Variants in PLB1 observed in about 807,000 individuals in gnomAD.
PLB1 encodes the protein phospholipase B1, membrane-associated.
Under a neutral mutation model 227.4 loss-of-function variants are expected in PLB1, and 242 were observed. That is an observed-to-expected ratio of 1.06 (90% CI 0.96 to 1.18). The LOEUF is 1.18. Among genes scored for constraint, PLB1 ranks in the 50% most tolerant of loss-of-function variants. The pLI is 0.00. For synonymous variants in PLB1, 757 were observed against 682.2 expected, an observed-to-expected ratio of 1.11 and a Z score of -1.71; for missense variants, 1,858 against 1,816.3, an observed-to-expected ratio of 1.02 and a Z score of -0.42.
intron 14 of PLB1, 38 bp downstream of exon 14, chr2:28,543,306 G>A (rs1572870857): frequency 6.3e-7 from 1 of 1,596,484 alleles, no homozygotes; most frequent in Non-Finnish European, 8.5e-7. Context: ...CCACAGAGGA[G>A]GGGCAAGGTC....
At chr2:28,631,434 T>C (rs1247299184) in intron 54 of PLB1, among the ~76,000 whole-genome samples, 1 of 152,224 alleles carries the variant, frequency 6.6e-6, no homozygotes, top group Non-Finnish European at 1.5e-5. Context: ...CTGTACTTGA[T>C]GGGCCCTAAA....
intron 25 of PLB1, chr2:28,585,556 C>A (rs769542560): frequency 6.9e-5 from 35 of 510,884 alleles, no homozygotes; most frequent in Non-Finnish European, 1.1e-4. Context: ...GCATTACAGG[C>A]GTGAGCCACC....
intron 25 of PLB1, among the ~76,000 whole-genome samples, chr2:28,583,689 C>T (rs1392083696): frequency 6.6e-6 from 1 of 152,166 alleles, no homozygotes; most frequent in Non-Finnish European, 1.5e-5. Context: ...CAAAGGGTAG[C>T]AAAATGGCAC....
rs534638703 is a variant in PLB1, at chr2:28,550,101, T to C, written c.1083+17T>C. 7.6e-6 allele frequency: 12 copies of C among 1,588,852 alleles called. No individual in the cohort carries two copies. The East Asian group carries it at 1.3e-4, about 18-fold the overall frequency. ...AAGCTTGAGGTAAGGAAAGGTTTTC[T>C]GTAATTGACAAACATGCAGATGAAC... On this transcript the variant is annotated intron_variant, in intron 16 of 57. Transcript: ENST00000327757.
intron 12 of PLB1, among the ~76,000 whole-genome samples, chr2:28,541,418 G>A (rs73922152): frequency 0.02 from 3,068 of 152,266 alleles, 98 homozygotes; most frequent in African/African-American, 0.07. Context: ...GAGAGCAGGG[G>A]GCCCTGCCAC....
At position 28,525,268 on chromosome 2, in the gene PLB1, C is replaced by T. The variant is rs757191876; in HGVS notation, c.245C>T (p.Pro82Leu). The T allele has an allele frequency of 1.2e-6, 2 of 1,613,438 alleles. No homozygotes were observed. Among genetic ancestry groups the T allele is most frequent in the Non-Finnish European group, 1.7e-6 (2 of 1,179,922 alleles). The change falls in exon 5 of 58, where the codon CCT (proline) becomes CTT (leucine). Residue 82 changes from proline (P) to leucine (L), a missense_variant and splice_region_variant. Coordinates refer to ENST00000327757, the MANE Select transcript of PLB1 (RefSeq NM_153021.5). ...GTTAACATTGAGTATCTATTCCAGCCTCCAGACCCAGGGACGGGCGATCTG... is the reference window on the plus strand; with the variant it reads ...GTTAACATTGAGTATCTATTCCAGCTTCCAGACCCAGGGACGGGCGATCTG... ...FVAAIGNLEI[P>L]PDPGTGDLEK...
At chr2:28,537,087 A>G (rs535986355) in intron 9 of PLB1, among the ~76,000 whole-genome samples, 6 of 152,272 alleles carry the variant, frequency 3.9e-5, no homozygotes, top group Admixed American at 6.5e-5. Flanking sequence ...AGAAAACTAG[A>G]CAGAAGGCTT....
At chr2:28,546,338 T>C (rs1460838453) in intron 14 of PLB1, among the ~76,000 whole-genome samples, 1 of 152,212 alleles carries the variant, frequency 6.6e-6, no homozygotes, top group Non-Finnish European at 1.5e-5. Flanking sequence ...ATGCCGAGTC[T>C]ACACCAGGTG....
intron 14 of PLB1, among the ~76,000 whole-genome samples, chr2:28,544,845 A>C (rs943835185): frequency 6.6e-6 from 1 of 151,834 alleles, no homozygotes; most frequent in African/African-American, 2.4e-5. Context: ...CTGTCTGATA[A>C]GAGAAGAGAT....
chr2:28,618,591 C>T, intron 46 of PLB1, 192 bp downstream of exon 46: 2 of 597,326 alleles, frequency 3.3e-6, no homozygotes, highest in South Asian at 2.0e-5. Context: ...CAGTTCTGCT[C>T]AAAGCCCCCT....
chr2:28,575,493 C>G (rs189620239), intron 21 of PLB1, among the ~76,000 whole-genome samples: 18 of 152,264 alleles, frequency 1.2e-4, no homozygotes, highest in Admixed American at 7.2e-4. Flanking sequence ...CCATGAGCCA[C>G]CTAAGTAGCT....
intron 54 of PLB1, among the ~76,000 whole-genome samples, chr2:28,631,633 C>T (rs1350815556): frequency 1.3e-5 from 2 of 152,206 alleles, no homozygotes; most frequent in African/African-American, 4.8e-5. Flanking sequence ...AGATGCTCCC[C>T]ATCTGACCTG....
intron 38 of PLB1, 138 bp from the exon 39 acceptor site, chr2:28,602,683 C>A: frequency 1.3e-6 from 1 of 742,212 alleles, no homozygotes; most frequent in South Asian, 1.7e-5. Flanking sequence ...ACGAGGTAGC[C>A]CTGTATAGAC....
intron 14 of PLB1, among the ~76,000 whole-genome samples, chr2:28,547,809 G>A (rs1673529136): frequency 6.6e-6 from 1 of 152,020 alleles, no homozygotes; most frequent in African/African-American, 2.4e-5. Context: ...CTTTGTAAGT[G>A]TTTATATATG....
chr2:28,545,812 CAG>C lies in PLB1; in HGVS notation c.936+2547_936+2548del, dbSNP rs58164950. Reference sequence around the variant, plus strand: ...TTCTGTGTCTACCCTCGCAGACACACAGAGCCCAGGTGAGGGCTGCCCTCTGT... The same window carrying C: ...TTCTGTGTCTACCCTCGCAGACACACAGCCCAGGTGAGGGCTGCCCTCTGT... On this transcript the variant is annotated intron_variant, in intron 14 of 57. Coordinates refer to ENST00000327757, the MANE Select transcript of PLB1 (RefSeq NM_153021.5). Among the ~76,000 whole-genome samples the C allele has an allele frequency of 3.5e-3, 529 of 152,264 alleles. 7 individuals carry two copies. The highest frequency in any genetic ancestry group is 0.012 in the African/African-American group (488 of 41,538).
At chr2:28,582,161 A>C (rs945522194) in intron 24 of PLB1, 28 bp downstream of exon 24, 3 of 1,600,274 alleles carry the variant, frequency 1.9e-6, no homozygotes, top group Middle Eastern at 1.7e-4. Context: ...TGAGGCCTGC[A>C]TCTTAGACCT....
chr2:28,615,928 G>A (rs4666111), intron 44 of PLB1, among the ~76,000 whole-genome samples: 24,957 of 152,182 alleles, frequency 0.16, 2,576 homozygotes, highest in East Asian at 0.48. Flanking sequence ...CTGAGGTAAC[G>A]TGAATGAGCC....
In PLB1 at chr2:28,601,969, G is replaced by A. The variant is rs201085428; in HGVS notation, c.2673+5G>A. ...TTGGACGTCCTGCATAGAGAGGTGG[G>A]TGGGGGGCTTCCACAAGCTGGTAAC... is the stretch of plus-strand genomic sequence containing the variant. On this transcript the variant is annotated splice_donor_5th_base_variant and intron_variant, in intron 38 of 57. Transcript: ENST00000327757. 7.0e-5 allele frequency: 112 copies of A among 1,607,954 alleles called. No homozygotes were observed. Among genetic ancestry groups the A allele is most frequent in the Middle Eastern group, 1.6e-4 (1 of 6,078 alleles).
intron 39 of PLB1, among the ~76,000 whole-genome samples, chr2:28,603,488 TC>T (rs766892073): frequency 2.7e-4 from 41 of 152,032 alleles, no homozygotes; most frequent in Non-Finnish European, 5.4e-4. Context: ...GAAATCTCTC[TC>T]TTAAGTAGAT....
Sources: gnomAD v4.1 joint callset for allele counts (sites outside exome capture counted in the v4.1 genomes callset) on GRCh38, gnomAD v4.1.1 for gene constraint, MANE v1.5 for transcripts, NCBI Gene and HGNC (gene_info 2026-07-23, HGNC 2026-07-21) for gene names.